The following PRLR variants were observed in gnomAD, a reference collection of about 807,000 sequenced individuals.
The protein encoded by PRLR is prolactin receptor.
A neutral mutation model predicts 40.2 loss-of-function variants in PRLR; 13 were observed. The ratio of observed to expected loss-of-function variants is 0.32; its 90% CI spans 0.21 to 0.51. The LOEUF is 0.51. Among genes scored for constraint, PRLR ranks in the 20% least tolerant of loss-of-function variants. PRLR has a pLI of 0.97. For synonymous variants in PRLR, 269 were observed against 278.7 expected (o/e 0.97, Z 0.35); for missense variants, 656 against 747.3 (o/e 0.88, Z 1.42).
At chr5:35,202,018 G>T (rs769454692) in intron 1 of PRLR, among the ~76,000 whole-genome samples, 1 of 152,188 alleles carries the variant, frequency 6.6e-6, no homozygotes, top group Non-Finnish European at 1.5e-5. Context: ...CTAAATTGTT[G>T]TAGTTAGGAC....
At chr5:35,222,682 C>T (rs1043472789) in intron 1 of PRLR, among the ~76,000 whole-genome samples, 1 of 152,146 alleles carries the variant, frequency 6.6e-6, no homozygotes, top group African/African-American at 2.4e-5. Context: ...TAAGAAATAA[C>T]ATTCTAACAC....
At position 35,191,313 on chromosome 5, in the gene PRLR, G is replaced by A. The variant is rs1167851346; in HGVS notation, c.-106+38955C>T. On this transcript the variant is annotated intron_variant, in intron 1 of 9. Transcript: ENST00000618457. ...TCTCGATCTCCTGACCTCGTGATCC[G>A]CCCGCCTCGGCCTCCCAAAGTGCTG... Among the ~76,000 whole-genome samples, 12 of 87,566 alleles carry A rather than the reference G, an allele frequency of 1.4e-4. 2 individuals carry two copies. Among genetic ancestry groups the A allele is most frequent in the Admixed American group, 7.1e-4 (6 of 8,436 alleles). The allele number at this position is 87,566 out of a possible 152,430, so 57.4% of individuals were successfully genotyped here.
At position 35,048,949 on chromosome 5, in the gene PRLR, G is replaced by C. The variant is rs1456044495; in HGVS notation, c.*338C>G. The C allele has an allele frequency of 2.1e-5, 8 of 377,488 alleles. No homozygotes were observed. In the East Asian group the frequency reaches 5.6e-4, roughly 26 times the overall value. The allele number at this position is 377,488 out of a possible 1,614,324, so 23.4% of individuals were successfully genotyped here. A position where few individuals can be genotyped will look rare whatever the true frequency, so the allele number is the denominator to read the frequency against. On this transcript the variant is annotated 3_prime_UTR_variant, in exon 9 of 9. Transcript: ENST00000231423. ...TCATTAATCTTGGGTCACCCTGTAAGGGAGACAACTGACTTGGCCACATCC... is the reference window on the plus strand; with the variant it reads ...TCATTAATCTTGGGTCACCCTGTAACGGAGACAACTGACTTGGCCACATCC...
At chr5:35,189,537 T>C (rs543251655) in intron 1 of PRLR, among the ~76,000 whole-genome samples, 7,438 of 151,216 alleles carry the variant, frequency 0.049, 213 homozygotes, top group Middle Eastern at 0.12. Context: ...GCTGAGATCG[T>C]GCCACTGCAC....
At chr5:35,117,460 A>G (rs999073553) in intron 2 of PRLR, among the ~76,000 whole-genome samples, 1 of 152,140 alleles carries the variant, frequency 6.6e-6, no homozygotes, top group Non-Finnish European at 1.5e-5. Flanking sequence ...GAGGGAAGTC[A>G]GGGGGCTTGG....
intron 5 of PRLR, among the ~76,000 whole-genome samples, chr5:35,079,210 C>T (rs1301656302): frequency 2.0e-5 from 3 of 152,066 alleles, no homozygotes; most frequent in African/African-American, 7.2e-5. Flanking sequence ...CTGGCCAGGG[C>T]AATCAGGCAG....
intron 9 of PRLR, 79 bp from the exon 10 acceptor site, chr5:35,066,181 G>T: frequency 1.5e-6 from 2 of 1,362,290 alleles, no homozygotes; most frequent in Non-Finnish European, 2.0e-6. Context: ...AAGTGGTGCT[G>T]TTCATTGCCA....
chr5:35,090,834 A>C (rs1771160170), intron 2 of PRLR, among the ~76,000 whole-genome samples: 1 of 103,530 alleles, frequency 9.7e-6, no homozygotes, highest in Non-Finnish European at 1.8e-5. Flanking sequence ...TTTTTGAGAC[A>C]GAGTCTCGCT....
At chr5:35,076,399 C>A (rs1486099663) in intron 5 of PRLR, among the ~76,000 whole-genome samples, 1 of 152,104 alleles carries the variant, frequency 6.6e-6, no homozygotes, top group East Asian at 1.9e-4. Flanking sequence ...GTGATGCATG[C>A]ACAAGCATCA....
intron 1 of PRLR, among the ~76,000 whole-genome samples, chr5:35,190,540 G>A (rs1775572266): frequency 6.6e-6 from 1 of 152,090 alleles, no homozygotes; most frequent in Non-Finnish European, 1.5e-5. Context: ...GGGAGATGGA[G>A]GTTGCAGTGA....
At chr5:35,105,047 CATTTGCTGTTCTGCAAT>C (rs1173742142) in intron 2 of PRLR, among the ~76,000 whole-genome samples, 1 of 152,194 alleles carries the variant, frequency 6.6e-6, no homozygotes, top group African/African-American at 2.4e-5. Context: ...CAGGCAGCAA[CATTTGCTGTTCTGCAAT>C]ATTTGCTGTT....
chr5:35,074,504 C>CATAT (rs3034214), intron 5 of PRLR, among the ~76,000 whole-genome samples: 7,956 of 132,438 alleles, frequency 0.06, 298 homozygotes, highest in Middle Eastern at 0.14. Flanking sequence ...TTTATGATTC[C>CATAT]ATATATATAT....
intron 1 of PRLR, among the ~76,000 whole-genome samples, chr5:35,119,172 T>C (rs1426161281): frequency 6.6e-6 from 1 of 152,160 alleles, no homozygotes; most frequent in Non-Finnish European, 1.5e-5. Flanking sequence ...GTCTTGCCCA[T>C]TCCAAGCAAA....
chr5:35,197,800 G>A (rs1475249079), intron 1 of PRLR, among the ~76,000 whole-genome samples: 1 of 152,234 alleles, frequency 6.6e-6, no homozygotes, highest in African/African-American at 2.4e-5. Flanking sequence ...AGATCTCTGA[G>A]AGGATGAGAT....
intron 1 of PRLR, among the ~76,000 whole-genome samples, chr5:35,218,241 T>C (rs1302838207): frequency 2.0e-5 from 3 of 152,174 alleles, no homozygotes; most frequent in African/African-American, 7.2e-5. Context: ...ACACATATCA[T>C]ATAATATTTT....
intron 1 of PRLR, among the ~76,000 whole-genome samples, chr5:35,136,450 T>C (rs1045355470): frequency 2.0e-5 from 3 of 152,166 alleles, no homozygotes; most frequent in Non-Finnish European, 1.5e-5. Flanking sequence ...ACTCACCAGA[T>C]GCCAGTAGCA....
chr5:35,117,933 G>A lies in PRLR; in HGVS notation c.-44+128C>T, dbSNP rs1016172457. On this transcript the variant is annotated intron_variant, in intron 2 of 9. Coordinates refer to ENST00000618457, the MANE Select transcript of PRLR (RefSeq NM_000949.7). ...CCTTTGAAGACAGCAGAATGTGCCA[G>A]TGTAGACATTGACTGGTTTGAGATG... The A allele has an allele frequency of 2.4e-5, 8 of 327,520 alleles. No homozygotes were observed. In the East Asian group the frequency reaches 1.0e-3, roughly 42 times the overall value. 20.3% of individuals were successfully genotyped at this position (327,520 alleles called of 1,614,324 possible).
chr5:35,117,444 T>C (rs760139346), intron 2 of PRLR, among the ~76,000 whole-genome samples: 1 of 152,178 alleles, frequency 6.6e-6, no homozygotes. Flanking sequence ...GCCTGTAGTG[T>C]AGACAGAGGG....
intron 2 of PRLR, among the ~76,000 whole-genome samples, chr5:35,099,542 T>TA (rs1210683854): frequency 6.6e-6 from 1 of 152,196 alleles, no homozygotes; most frequent in Non-Finnish European, 1.5e-5. Context: ...TTCTACTTAT[T>TA]AAAAAAAGTT....
Sources: gnomAD v4.1 joint callset for allele counts (sites outside exome capture counted in the v4.1 genomes callset) on GRCh38, gnomAD v4.1.1 for gene constraint, MANE v1.5 for transcripts, NCBI Gene and HGNC (gene_info 2026-07-23, HGNC 2026-07-21) for gene names.